The following NRXN3 variants were observed in gnomAD, a reference collection of about 807,000 sequenced individuals.
The protein encoded by NRXN3 is neurexin 3.
In NRXN3, 32 loss-of-function variants were observed where a neutral mutation model predicts 137.6. The ratio of observed to expected loss-of-function variants is 0.23; its 90% CI spans 0.18 to 0.31. The LOEUF (loss-of-function observed/expected upper bound fraction) is 0.31. Ranked by LOEUF, NRXN3 falls within the 10% of genes least tolerant of loss-of-function variation. NRXN3 has a pLI of 1.00. For missense variants in NRXN3, 1,574 were observed against 2,062.5 expected (o/e 0.76, Z 4.59); for synonymous variants, 798 against 784.5 (o/e 1.02, Z -0.29).
In NRXN3 at chr14:79,863,843, A is replaced by G. The variant is rs2099416496; in HGVS notation, c.*1879A>G. ...ATCAATCAGCTGCTTAGATTTAGAAATCTACTCTTGCTGGTCTTTGTAAGT... is the reference window on the plus strand; with the variant it reads ...ATCAATCAGCTGCTTAGATTTAGAAGTCTACTCTTGCTGGTCTTTGTAAGT... On this transcript the variant is annotated 3_prime_UTR_variant, in exon 21 of 21. Coordinates refer to ENST00000335750, the MANE Select transcript of NRXN3 (RefSeq NM_001330195.2). 1 of 152,630 alleles carries G rather than the reference A, an allele frequency of 6.6e-6. No individual in the cohort carries two copies. Among genetic ancestry groups the G allele is most frequent in the Non-Finnish European group, 1.5e-5 (1 of 68,036 alleles). The allele number at this position is 152,630 out of a possible 1,614,324, so 9.5% of individuals were successfully genotyped here. A position where few individuals can be genotyped will look rare whatever the true frequency, so the allele number is the denominator to read the frequency against.
At chr14:79,785,514 T>C (rs1299393817) in intron 19 of NRXN3, among the ~76,000 whole-genome samples, 1 of 152,180 alleles carries the variant, frequency 6.6e-6, no homozygotes, top group African/African-American at 2.4e-5. Flanking sequence ...TAATATCCTA[T>C]TTATTATTCT....
chr14:79,331,861 T>TGC (rs2091725816), intron 15 of NRXN3, among the ~76,000 whole-genome samples: 1 of 152,178 alleles, frequency 6.6e-6, no homozygotes, highest in African/African-American at 2.4e-5. Context: ...TGTGTGTGTG[T>TGC]GTGTGTGTGT....
chr14:79,209,069 G>A (rs1461930705), intron 15 of NRXN3, among the ~76,000 whole-genome samples: 2 of 152,062 alleles, frequency 1.3e-5, no homozygotes, highest in African/African-American at 2.4e-5. Context: ...CTCCCGAGTA[G>A]CTGGGACTAT....
In NRXN3 at chr14:79,242,839, A is replaced by G. The variant is rs111487179; in HGVS notation, c.3263-224382A>G. Among the ~76,000 whole-genome samples, 848 of 152,250 alleles carry G rather than the reference A, an allele frequency of 5.6e-3. 11 individuals carry two copies. Among genetic ancestry groups the G allele is most frequent in the African/African-American group, 0.018 (763 of 41,550 alleles). On this transcript the variant is annotated intron_variant, in intron 15 of 20. Transcript: ENST00000335750. ...GGAACTTGCAGTTCATTCATTACAT[A>G]TGTTCTATGCTGAGGCATAACAGTG...
At chr14:79,356,659 A>C (rs747126732) in intron 15 of NRXN3, among the ~76,000 whole-genome samples, 2 of 152,170 alleles carry the variant, frequency 1.3e-5, no homozygotes, top group South Asian at 4.1e-4. Context: ...GTGATAGTCT[A>C]TTCTACCTTC....
intron 1 of NRXN3, among the ~76,000 whole-genome samples, chr14:78,203,217 A>G (rs1373681554): frequency 1.3e-5 from 2 of 152,206 alleles, no homozygotes; most frequent in Non-Finnish European, 2.9e-5. Context: ...CTGAAGGCAG[A>G]TTGGTTTGTG....
intron 16 of NRXN3, among the ~76,000 whole-genome samples, chr14:79,492,870 C>G (rs1041233049): frequency 6.6e-6 from 1 of 152,214 alleles, no homozygotes; most frequent in Non-Finnish European, 1.5e-5. Flanking sequence ...ACTCAAGCAT[C>G]TCACCTGTTT....
At chr14:78,802,959 AAAAAT>A (rs1371884002) in intron 8 of NRXN3, among the ~76,000 whole-genome samples, 4 of 152,144 alleles carry the variant, frequency 2.6e-5, no homozygotes, top group African/African-American at 9.7e-5. Flanking sequence ...AATAAAAAAT[AAAAAT>A]AAGTCAGTTT....
chr14:78,521,696 A>T (rs2096286584), intron 4 of NRXN3, among the ~76,000 whole-genome samples: 1 of 152,194 alleles, frequency 6.6e-6, no homozygotes. Context: ...CCTTAATTTC[A>T]GTGAATGGTT....
chr14:78,449,754 A>G (rs1203627803), intron 4 of NRXN3, among the ~76,000 whole-genome samples: 1 of 152,232 alleles, frequency 6.6e-6, no homozygotes, highest in Non-Finnish European at 1.5e-5. Flanking sequence ...GAACCTGTTC[A>G]TCTTGTTGCT....
intron 16 of NRXN3, among the ~76,000 whole-genome samples, chr14:79,661,135 T>C (rs1056286911): frequency 5.9e-5 from 9 of 152,172 alleles, no homozygotes; most frequent in African/African-American, 1.9e-4. Flanking sequence ...TATATATGCA[T>C]GCATATTTTA....
chr14:79,688,313 G>A (rs2098703406), intron 17 of NRXN3, among the ~76,000 whole-genome samples: 1 of 152,126 alleles, frequency 6.6e-6, no homozygotes, highest in Admixed American at 6.6e-5. Flanking sequence ...AAGTGATAAA[G>A]TTAGAACTCA....
At position 78,792,350 on chromosome 14, in the gene NRXN3, G is replaced by T. The variant is rs114316629; in HGVS notation, c.2045-11270G>T. Among the ~76,000 whole-genome samples the T allele has an allele frequency of 8.5e-3, 1,154 of 135,244 alleles. 16 individuals carry two copies. Among genetic ancestry groups the T allele is most frequent in the African/African-American group, 0.032 (1,100 of 34,798 alleles). The allele number at this position is 135,244 out of a possible 152,430, so 88.7% of individuals were successfully genotyped here. On this transcript the variant is annotated intron_variant, in intron 8 of 20. Transcript: ENST00000335750. ...ATTAGTAACAACAGGGGGTGGAAAAGATATGGCTAAAAATTGAAATATTGC... is the reference window on the plus strand; with the variant it reads ...ATTAGTAACAACAGGGGGTGGAAAATATATGGCTAAAAATTGAAATATTGC...
intron 15 of NRXN3, among the ~76,000 whole-genome samples, chr14:79,351,195 A>G (rs979417634): frequency 6.6e-6 from 1 of 152,242 alleles, no homozygotes; most frequent in Non-Finnish European, 1.5e-5. Flanking sequence ...AACGAAGGTT[A>G]TAATAAATCC....
chr14:79,843,593 A>T (rs571185043), intron 20 of NRXN3, among the ~76,000 whole-genome samples: 143 of 152,310 alleles, frequency 9.4e-4, no homozygotes, highest in Non-Finnish European at 1.8e-3. Context: ...AATTGGAGTC[A>T]GTCCTCTCAA....
chr14:78,627,285 T>A (rs2097474209), intron 4 of NRXN3, among the ~76,000 whole-genome samples: 1 of 152,166 alleles, frequency 6.6e-6, no homozygotes, highest in South Asian at 2.1e-4. Flanking sequence ...GAAGAGGGGC[T>A]GTACACAGCT....
In NRXN3 at chr14:79,728,134, C is replaced by T. The variant is rs536221422; in HGVS notation, c.4014+30197C>T. 8.5e-5 allele frequency among the ~76,000 whole-genome samples: 13 copies of T among 152,216 alleles called. No individual in the cohort carries two copies. In the South Asian group the frequency reaches 2.1e-3, roughly 24 times the overall value. On this transcript the variant is annotated intron_variant, in intron 19 of 20. Transcript: ENST00000335750. Reference sequence around the variant, plus strand: ...GTACTTTAGAGCAAGAGTAGTCCTGCGGTATGTTAACTGAGTAGGTGTTTC... The same window carrying T: ...GTACTTTAGAGCAAGAGTAGTCCTGTGGTATGTTAACTGAGTAGGTGTTTC...
chr14:78,874,289 A>C (rs757511285), intron 10 of NRXN3, among the ~76,000 whole-genome samples: 1 of 152,110 alleles, frequency 6.6e-6, no homozygotes, highest in African/African-American at 2.4e-5. Context: ...ATTTTCAAAC[A>C]TAGTTGATCA....
chr14:79,862,257 G>C lies in NRXN3; in HGVS notation c.*293G>C, dbSNP rs1012524495. On this transcript the variant is annotated 3_prime_UTR_variant, in exon 21 of 21. Transcript: ENST00000335750. ...CACACTTAGCGCTCTGGAGCCGGACGGTGGCTCCACCACTTCCGCAGGCCT... is the reference window on the plus strand; with the variant it reads ...CACACTTAGCGCTCTGGAGCCGGACCGTGGCTCCACCACTTCCGCAGGCCT... The C allele has an allele frequency of 1.2e-5, 3 of 258,248 alleles. No homozygotes were observed. Among genetic ancestry groups the C allele is most frequent in the African/African-American group, 6.6e-5 (3 of 45,242 alleles). The allele number at this position is 258,248 out of a possible 1,614,324, so 16.0% of individuals were successfully genotyped here.
Sources: allele counts gnomAD v4.1 joint callset (sites outside exome capture counted in the v4.1 genomes callset), GRCh38; gene constraint gnomAD v4.1.1; transcripts MANE v1.5; gene names NCBI Gene and HGNC (gene_info 2026-07-23, HGNC 2026-07-21).